Variants in PACRG observed in about 807,000 individuals in gnomAD.
PACRG encodes the protein parkin coregulated, also known as parkin coregulated gene protein.
In PACRG, 29 loss-of-function variants were observed where a neutral mutation model predicts 29.7. The observed-to-expected ratio is 0.98, with a 90% CI of 0.73 to 1.33. The LOEUF (loss-of-function observed/expected upper bound fraction) is 1.33, where lower values mean the gene tolerates loss of function less well. Ranked by LOEUF, PACRG falls within the 40% of genes most tolerant of loss-of-function variation. The pLI is 0.00. For missense variants in PACRG, 279 were observed against 316.2 expected, an observed-to-expected ratio of 0.88 and a Z score of 0.89; for synonymous variants, 116 against 118.7, an observed-to-expected ratio of 0.98 and a Z score of 0.15.
At chr6:163,190,125 AG>A (rs1780137799) in intron 4 of PACRG, 1 of 152,262 alleles carries the variant, frequency 6.6e-6, no homozygotes, top group African/African-American at 2.4e-5. Context: ...TTGGCAAATG[AG>A]GACAAACAGC....
chr6:163,146,284 G>T (rs866870363), intron 4 of PACRG, among the ~76,000 whole-genome samples: 1 of 152,128 alleles, frequency 6.6e-6, no homozygotes, highest in African/African-American at 2.4e-5. Flanking sequence ...AGTTACCAAG[G>T]GCAATGGAGA....
At chr6:162,761,810 G>A (rs904062529) in intron 1 of PACRG, among the ~76,000 whole-genome samples, 4 of 151,680 alleles carry the variant, frequency 2.6e-5, no homozygotes, top group Non-Finnish European at 4.4e-5. Flanking sequence ...GGTGGTTCAC[G>A]CCTGTAATCC....
At chr6:162,746,520 T>G (rs1780996094) in intron 1 of PACRG, among the ~76,000 whole-genome samples, 1 of 152,258 alleles carries the variant, frequency 6.6e-6, no homozygotes. Context: ...TAAGGAAATG[T>G]TATATTTGCT....
intron 2 of PACRG, among the ~76,000 whole-genome samples, chr6:162,859,102 A>G (rs1160177126): frequency 2.6e-5 from 4 of 152,152 alleles, no homozygotes; most frequent in African/African-American, 9.7e-5. Context: ...CAATGATGAC[A>G]TAGGAACTTA....
At chr6:162,738,944 T>G (rs1434774318) in intron 1 of PACRG, among the ~76,000 whole-genome samples, 1 of 152,156 alleles carries the variant, frequency 6.6e-6, no homozygotes, top group African/African-American at 2.4e-5. Context: ...ATACTGAGGG[T>G]CCGTTAGGTT....
intron 1 of PACRG, among the ~76,000 whole-genome samples, chr6:162,791,826 C>T (rs1027104821): frequency 2.0e-5 from 3 of 152,156 alleles, no homozygotes; most frequent in African/African-American, 7.2e-5. Flanking sequence ...TTAGAAGGGA[C>T]AAGTTCTAAT....
intron 4 of PACRG, among the ~76,000 whole-genome samples, chr6:163,227,293 G>A (rs1781844958): frequency 6.6e-6 from 1 of 152,064 alleles, no homozygotes; most frequent in Admixed American, 6.6e-5. Context: ...GGGAGGTAAG[G>A]TGCCACGTAC....
At chr6:163,039,178 C>T (rs987573988) in intron 2 of PACRG, among the ~76,000 whole-genome samples, 9 of 152,114 alleles carry the variant, frequency 5.9e-5, no homozygotes, top group Admixed American at 3.3e-4. Context: ...GTGGCAGTTT[C>T]CCCTGCACTC....
At chr6:162,857,162 A>C (rs1363720966) in intron 2 of PACRG, among the ~76,000 whole-genome samples, 1 of 152,224 alleles carries the variant, frequency 6.6e-6, no homozygotes, top group African/African-American at 2.4e-5. Flanking sequence ...GGAATAGCAA[A>C]GGCCCCCATC....
At chr6:163,072,128 A>C (rs183295997) in intron 3 of PACRG, among the ~76,000 whole-genome samples, 1 of 151,814 alleles carries the variant, frequency 6.6e-6, no homozygotes, top group East Asian at 1.9e-4. Context: ...ACAAAGACAC[A>C]TTAAAACAAA....
intron 2 of PACRG, among the ~76,000 whole-genome samples, chr6:162,928,994 C>A (rs1220363908): frequency 6.6e-6 from 1 of 152,048 alleles, no homozygotes; most frequent in Non-Finnish European, 1.5e-5. Flanking sequence ...ATATATGCTA[C>A]ATTTTCTTTA....
chr6:162,989,870 C>T (rs1044250743), intron 2 of PACRG, among the ~76,000 whole-genome samples: 3 of 151,928 alleles, frequency 2.0e-5, no homozygotes, highest in Admixed American at 6.6e-5. Flanking sequence ...GTATATCTCC[C>T]AATGCTATCC....
At position 163,224,045 on chromosome 6, in the gene PACRG, C is replaced by G. The variant is rs968757794; in HGVS notation, c.614-90782C>G. On this transcript the variant is annotated intron_variant, in intron 4 of 4. Transcript: ENST00000366888. Reference sequence around the variant, plus strand: ...ACATGTATATGGAACCACAAACACCCTGAATAGCCAAAGCAACGTTGAGCA... The same window carrying G: ...ACATGTATATGGAACCACAAACACCGTGAATAGCCAAAGCAACGTTGAGCA... Among the ~76,000 whole-genome samples the G allele has an allele frequency of 4.6e-5, 7 of 152,024 alleles. No homozygotes were observed. In the South Asian group the frequency reaches 1.5e-3, roughly 32 times the overall value.
At chr6:163,089,487 C>T (rs1813901755) in intron 4 of PACRG, 79 bp downstream of exon 4, 5 of 1,501,598 alleles carry the variant, frequency 3.3e-6, no homozygotes, top group South Asian at 2.5e-5. Flanking sequence ...ATTAGCAACA[C>T]GTTTAGGATT....
chr6:162,747,386 A>AAC lies in PACRG; in HGVS notation c.156+18995_156+18996insAC, dbSNP rs1480339001. 1.5e-3 allele frequency among the ~76,000 whole-genome samples: 88 copies of AAC among 60,670 alleles called. 10 individuals are homozygous for AAC. Among genetic ancestry groups the AAC allele is most frequent in the Non-Finnish European group, 2.1e-3 (76 of 35,976 alleles). The allele number at this position is 60,670 out of a possible 152,430, so 39.8% of individuals were successfully genotyped here. A position where few individuals can be genotyped will look rare whatever the true frequency, so the allele number is the denominator to read the frequency against. The stretch of plus-strand genomic sequence containing the variant: ...TATACACATACATATATATGTATAT[A>AAC]TATGTATATATATATGTATATATAT... On this transcript the variant is annotated intron_variant, in intron 1 of 4. Coordinates refer to ENST00000366888, the MANE Select transcript of PACRG (RefSeq NM_001080379.2).
chr6:163,190,679 C>T (rs1270822856), intron 4 of PACRG: 6 of 161,842 alleles, frequency 3.7e-5, no homozygotes, highest in East Asian at 1.8e-4. Context: ...CAGTCTAACC[C>T]GTCAGTTCAG....
intron 4 of PACRG, among the ~76,000 whole-genome samples, chr6:163,131,753 G>A (rs1029136122): frequency 6.6e-6 from 1 of 152,118 alleles, no homozygotes; most frequent in Non-Finnish European, 1.5e-5. Flanking sequence ...GGGCTAAGAC[G>A]TGAGCGTGCT....
At chr6:163,289,448 T>G (rs989776085) in intron 4 of PACRG, among the ~76,000 whole-genome samples, 20 of 152,224 alleles carry the variant, frequency 1.3e-4, no homozygotes, top group African/African-American at 4.8e-4. Flanking sequence ...ATAACTTCAT[T>G]CTTTTTCATT....
chr6:162,936,093 C>G (rs1798214728), intron 2 of PACRG, among the ~76,000 whole-genome samples: 1 of 152,164 alleles, frequency 6.6e-6, no homozygotes, highest in African/African-American at 2.4e-5. Context: ...TCTTACATGA[C>G]AGCTGCAAGA....
Sources: allele counts gnomAD v4.1 joint callset (sites outside exome capture counted in the v4.1 genomes callset), GRCh38; gene constraint gnomAD v4.1.1; transcripts MANE v1.5; gene names NCBI Gene and HGNC (gene_info 2026-07-23, HGNC 2026-07-21).